The following CD163 variants were observed in gnomAD, a reference collection of about 807,000 sequenced individuals.
The protein encoded by CD163 is scavenger receptor cysteine-rich type 1 protein M130.
CD163 carries 64 observed loss-of-function variants against 129.2 expected under a neutral mutation model. The ratio of observed to expected loss-of-function variants is 0.50; its 90% CI spans 0.41 to 0.61. The LOEUF is 0.61. Among genes scored for constraint, CD163 ranks in the 20% least tolerant of loss-of-function variants. CD163 has a pLI of 0.00. For synonymous variants in CD163, 446 were observed against 478.5 expected (o/e 0.93, Z 0.89); for missense variants, 1,061 against 1,377.9 (o/e 0.77, Z 3.64).
At position 7,485,112 on chromosome 12, in the gene CD163, G is replaced by C; in HGVS notation, c.2763C>G (p.Thr921=). ...EKRLASPSEE[T]WITCDNKIRL... ...GATACTCACTGTCACATGTGATCCA[G>C]GTCTCCTCCGAGGGGCTGGCCAGTC... Residue 921 remains threonine, a synonymous_variant, in exon 11 of 17, where the codon ACC becomes ACG. Transcript: ENST00000432237. This position sits in a 1 kb window ranked among gnomAD's most constrained non-coding sequence, Gnocchi z 4.5. 1 of 1,606,112 alleles carries C rather than the reference G, an allele frequency of 6.2e-7. No homozygotes were observed. Among genetic ancestry groups the C allele is most frequent in the Non-Finnish European group, 8.5e-7 (1 of 1,175,110 alleles).
chr12:7,472,630 A>G (rs1393312260), intron 16 of CD163, among the ~76,000 whole-genome samples: 1 of 152,230 alleles, frequency 6.6e-6, no homozygotes, highest in East Asian at 1.9e-4. Context: ...ACAAGTGCAT[A>G]AATGCTGAAA....
At chr12:7,477,826 T>C (rs1340677672) in intron 16 of CD163, among the ~76,000 whole-genome samples, 1 of 152,202 alleles carries the variant, frequency 6.6e-6, no homozygotes, top group African/African-American at 2.4e-5. Flanking sequence ...TCAGCAGTGA[T>C]TACTCTTTCA....
chr12:7,477,043 A>G (rs1392329830), intron 16 of CD163, among the ~76,000 whole-genome samples: 1 of 152,252 alleles, frequency 6.6e-6, no homozygotes, highest in African/African-American at 2.4e-5. Flanking sequence ...ATGAGATACC[A>G]TCTCACACCA....
At position 7,483,598 on chromosome 12, in the gene CD163, C is replaced by G; in HGVS notation, c.2857G>C (p.Val953Leu). The change falls in exon 12 of 17, where the codon GTG becomes CTG. Residue 953 changes from valine (V) to leucine (L), a missense_variant. By Grantham distance (32) the Val-to-Leu change is conservative (BLOSUM62 1). Transcript: ENST00000432237. ...EIWHGGSWGT[V>L]CDDSWDLDDA... The stretch of plus-strand genomic sequence containing the variant: ...TCCAAGTCCCAAGAGTCATCACACA[C>G]TGTCCCCCAGGAACCTCCATGCCAG... 6.2e-7 allele frequency: 1 copy of G among 1,613,448 alleles called. No individual in the cohort carries two copies. The highest frequency in any genetic ancestry group is 8.5e-7 in the Non-Finnish European group (1 of 1,179,832).
intron 2 of CD163, among the ~76,000 whole-genome samples, chr12:7,502,055 C>T (rs1949498232): frequency 6.6e-6 from 1 of 152,106 alleles, no homozygotes. Context: ...TCTCAGTTGC[C>T]TCCTTGGCAT....
intron 11 of CD163, among the ~76,000 whole-genome samples, chr12:7,484,544 CAGG>C (rs1205653640): frequency 6.8e-6 from 1 of 147,552 alleles, no homozygotes; most frequent in Non-Finnish European, 1.5e-5. Context: ...GAGGCTGGAG[CAGG>C]AGAATTGCTT....
Position 7,501,352 on chromosome 12 carries a change from T to A in CD163, c.244A>T (p.Met82Leu). ...TTACAAATCACAGAGACCGCTTCCA[T>A]GCTCCAGCCATTATTACACACCGTT... Reference protein sequence around the residue: ...WGTVCNNGWSMEAVSVICNQL... With the variant: ...WGTVCNNGWSLEAVSVICNQL... Residue 82 changes from methionine to leucine, a missense_variant, in exon 3 of 17, where the codon ATG becomes TTG. Met to Leu is a conservative substitution (Grantham distance 15). Transcript: ENST00000432237. 1 of 1,614,116 alleles carries A rather than the reference T, an allele frequency of 6.2e-7. No individual in the cohort carries two copies.
At chr12:7,480,479 A>C (rs1949147875) in intron 15 of CD163, 1 of 152,698 alleles carries the variant, frequency 6.5e-6, no homozygotes, top group South Asian at 2.1e-4. Context: ...TTAGGGAAAA[A>C]TATAATAAAT....
rs911888001 is a variant in CD163 at position 7,485,687 on chromosome 12, A to T, written c.2459-271T>A. Among the ~76,000 whole-genome samples the T allele has an allele frequency of 6.6e-6, 1 of 151,894 alleles. No homozygotes were observed. Among genetic ancestry groups the T allele is most frequent in the Non-Finnish European group, 1.5e-5 (1 of 67,968 alleles). On this transcript the variant is annotated intron_variant, in intron 10 of 16. Transcript: ENST00000432237. The surrounding 1 kb of genome is among the most constrained non-coding windows in gnomAD (Gnocchi z 4.5). ...TCAATCATTCTAATAGGCTTTTTTC[A>T]GTTACATAGTTTGGATTTTTTCCCA...
At position 7,495,354 on chromosome 12, in the gene CD163, C is replaced by G; in HGVS notation, c.1147G>C (p.Ala383Pro). ...TGAATCTCCACCTCAACTGTCCCAG[C>G]ACAGCGGCTGCCTCCACCTCTAAGT... The part of the protein sequence containing the change: ...LRLRGGGSRC[A>P]GTVEVEIQRL... The change falls in exon 6 of 17, where the codon GCT (alanine) becomes CCT (proline). Residue 383 changes from alanine (A) to proline (P), a missense_variant. Transcript: ENST00000432237. The G allele has an allele frequency of 6.2e-7, 1 of 1,614,152 alleles. No individual in the cohort carries two copies. The highest frequency in any genetic ancestry group is 8.5e-7 in the Non-Finnish European group (1 of 1,179,998).
At position 7,495,383 on chromosome 12, in the gene CD163, A is replaced by T; in HGVS notation, c.1118T>A (p.Leu373Gln). ...VTCSDGSDLE[L>Q]RLRGGGSRCA... ...GCGGCTGCCTCCACCTCTAAGTCTT[A>T]GCTCCAGATCTGATCCATCTGCAAA... Residue 373 changes from leucine (L) to glutamine (Q), a missense_variant, in exon 6 of 17, where the codon CTA (leucine) becomes CAA (glutamine). Coordinates refer to ENST00000432237, the MANE Select transcript of CD163 (RefSeq NM_203416.4). 1 of 1,614,034 alleles carries T rather than the reference A, an allele frequency of 6.2e-7. No individual in the cohort carries two copies. Among genetic ancestry groups the T allele is most frequent in the Non-Finnish European group, 8.5e-7 (1 of 1,179,950 alleles).
intron 12 of CD163, 56 bp downstream of exon 12, chr12:7,483,311 C>G: frequency 6.5e-7 from 1 of 1,534,940 alleles, no homozygotes; most frequent in South Asian, 1.2e-5. Context: ...ACATCACTGC[C>G]CAACCCCTCT....
chr12:7,499,192 G>A lies in CD163; in HGVS notation c.458-4C>T, dbSNP rs1413312834. On this transcript the variant is annotated splice_polypyrimidine_tract_variant and splice_region_variant and intron_variant, in intron 3 of 16. Transcript: ENST00000432237. ...CTCATTTCCAAATTGGATCCATCTG[G>A]AGCAGAGAAAAGACCAGAGTTCAGA... 6.2e-7 allele frequency: 1 copy of A among 1,602,678 alleles called. No individual in the cohort carries two copies. Among genetic ancestry groups the A allele is most frequent in the African/African-American group, 1.3e-5 (1 of 74,752 alleles).
chr12:7,481,214 C>A lies in CD163; in HGVS notation c.3290G>T (p.Arg1097Leu). The change falls in exon 15 of 17, where the codon CGG becomes CTG. Residue 1097 changes from arginine (R) to leucine (L), a missense_variant. Physicochemically the swap from Arg to Leu is moderately radical, Grantham distance 102 (BLOSUM62 -2). Coordinates refer to ENST00000432237, the MANE Select transcript of CD163 (RefSeq NM_203416.4). ...GENLVHQIQY[R>L]EMNSCLNADD... ...TGCATTCAGGCAAGAATTCATCTCC[C>A]GGTATTGAATTTGGTGGACTAAGTT... 6.2e-7 allele frequency: 1 copy of A among 1,613,858 alleles called. No homozygotes were observed. The highest frequency in any genetic ancestry group is 8.5e-7 in the Non-Finnish European group (1 of 1,179,848).
intron 16 of CD163, among the ~76,000 whole-genome samples, chr12:7,478,986 TTTTATG>T (rs1338353234): frequency 6.6e-6 from 1 of 151,928 alleles, no homozygotes; most frequent in African/African-American, 2.4e-5. Flanking sequence ...TTGAATTTTT[TTTTATG>T]TTTTTCTCAT....
chr12:7,488,031 C>G lies in CD163; in HGVS notation c.1477G>C (p.Val493Leu). 5 of 1,614,100 alleles carry G rather than the reference C, an allele frequency of 3.1e-6. No homozygotes were observed. Among genetic ancestry groups the G allele is most frequent in the Non-Finnish European group, 4.2e-6 (5 of 1,179,990 alleles). Residue 493 changes from valine to leucine, a missense_variant, in exon 7 of 17, where the codon GTG becomes CTG. Coordinates refer to ENST00000432237, the MANE Select transcript of CD163 (RefSeq NM_203416.4). ...GAGCCCCACGTGTCACCATGCTTCA[C>G]TTCAACACGTCCAGAACAGGGAATG... Reference protein sequence around the residue: ...GDIPCSGRVEVKHGDTWGSIC... With the variant: ...GDIPCSGRVELKHGDTWGSIC...
chr12:7,499,789 G>A (rs757541212), intron 3 of CD163, among the ~76,000 whole-genome samples: 1 of 152,276 alleles, frequency 6.6e-6, no homozygotes, highest in Admixed American at 6.5e-5. Flanking sequence ...AGAAGGAGGA[G>A]AAGGAAGAGG....
chr12:7,480,057 G>A (rs1949141633), intron 15 of CD163, 144 bp from the exon 16 acceptor site: 3 of 1,502,216 alleles, frequency 2.0e-6, no homozygotes, highest in African/African-American at 2.8e-5. Context: ...TAACTGTGAG[G>A]CTCTTTGAGC....
intron 6 of CD163, among the ~76,000 whole-genome samples, 172 bp downstream of exon 6, chr12:7,494,909 T>G (rs1315021675): frequency 6.6e-6 from 1 of 152,198 alleles, no homozygotes; most frequent in African/African-American, 2.4e-5. Flanking sequence ...CACTTCTATC[T>G]AAAGTGCAAC....
Sources: gnomAD v4.1 joint callset for allele counts (sites outside exome capture counted in the v4.1 genomes callset) on GRCh38, gnomAD v4.1.1 for gene constraint, Gnocchi (gnomAD v3.1) non-coding constraint, MANE v1.5 for transcripts, NCBI Gene and HGNC (gene_info 2026-07-23, HGNC 2026-07-21) for gene names.